The following TECRL variants were observed in gnomAD, a reference collection of about 807,000 sequenced individuals.
TECRL encodes the protein trans-2,3-enoyl-CoA reductase-like.
TECRL carries 63 observed loss-of-function variants against 52.8 expected under a neutral mutation model. The observed-to-expected ratio is 1.19, with a 90% CI of 0.97 to 1.47. The LOEUF (loss-of-function observed/expected upper bound fraction) is 1.47. Among genes scored for constraint, TECRL ranks in the 40% most tolerant of loss-of-function variants. TECRL has a pLI of 0.00. For missense variants in TECRL, 482 were observed against 429.6 expected (o/e 1.12, Z -1.08); for synonymous variants, 164 against 141.9 (o/e 1.16, Z -1.10).
chr4:64,285,409 T>C (rs1376866215), intron 9 of TECRL, among the ~76,000 whole-genome samples: 1 of 152,130 alleles, frequency 6.6e-6, no homozygotes, highest in Non-Finnish European at 1.5e-5. Flanking sequence ...AAACTTCTTT[T>C]ATACAAATTT....
At chr4:64,377,941 A>T (rs1722515404) in intron 1 of TECRL, among the ~76,000 whole-genome samples, 1 of 152,120 alleles carries the variant, frequency 6.6e-6, no homozygotes, top group Non-Finnish European at 1.5e-5. Flanking sequence ...AAGTATAAGA[A>T]AAAACAGCAA....
At chr4:64,315,434 T>C (rs1717431141) in intron 4 of TECRL, among the ~76,000 whole-genome samples, 1 of 152,114 alleles carries the variant, frequency 6.6e-6, no homozygotes, top group Admixed American at 6.5e-5. Context: ...GGCTAACTGG[T>C]CTAAATTTGA....
At chr4:64,303,866 A>C (rs542543726) in intron 7 of TECRL, among the ~76,000 whole-genome samples, 1 of 151,972 alleles carries the variant, frequency 6.6e-6, no homozygotes, top group African/African-American at 2.4e-5. Context: ...TCCACTTGTC[A>C]TAAGTATTAA....
intron 2 of TECRL, among the ~76,000 whole-genome samples, chr4:64,347,119 T>G (rs980359826): frequency 6.6e-6 from 1 of 152,176 alleles, no homozygotes; most frequent in Non-Finnish European, 1.5e-5. Flanking sequence ...AATTGTGACA[T>G]TCTTACATAA....
At chr4:64,304,504 A>G (rs192335496) in intron 7 of TECRL, among the ~76,000 whole-genome samples, 1 of 152,208 alleles carries the variant, frequency 6.6e-6, no homozygotes, top group East Asian at 1.9e-4. Context: ...GAAATAGCCC[A>G]CAAAAATAAT....
intron 2 of TECRL, among the ~76,000 whole-genome samples, chr4:64,345,753 A>G (rs1019229137): frequency 1.3e-5 from 2 of 151,778 alleles, no homozygotes; most frequent in Non-Finnish European, 2.9e-5. Context: ...ACCCCAGTTA[A>G]GGTCCTGTTG....
intron 1 of TECRL, among the ~76,000 whole-genome samples, chr4:64,402,609 C>G (rs1724429788): frequency 6.6e-6 from 1 of 152,026 alleles, no homozygotes; most frequent in Non-Finnish European, 1.5e-5. Flanking sequence ...TGACGGAACA[C>G]ACTTCAAGCA....
chr4:64,336,632 C>G (rs1179705365), intron 2 of TECRL, among the ~76,000 whole-genome samples: 1 of 152,170 alleles, frequency 6.6e-6, no homozygotes, highest in African/African-American at 2.4e-5. Context: ...CCCGCTTTCT[C>G]TTGTGGGCAT....
intron 1 of TECRL, among the ~76,000 whole-genome samples, chr4:64,385,318 G>A (rs900124054): frequency 1.3e-5 from 2 of 152,138 alleles, no homozygotes; most frequent in Non-Finnish European, 2.9e-5. Context: ...TGTCCAATTT[G>A]GCCAGTCCCC....
intron 2 of TECRL, among the ~76,000 whole-genome samples, chr4:64,351,478 T>C (rs919435861): frequency 6.6e-6 from 1 of 151,998 alleles, no homozygotes; most frequent in African/African-American, 2.4e-5. Context: ...CTCACTATAT[T>C]GCCAAGGCTG....
chr4:64,300,342 A>C (rs537868426), intron 7 of TECRL, among the ~76,000 whole-genome samples: 1 of 150,924 alleles, frequency 6.6e-6, no homozygotes, highest in Non-Finnish European at 1.5e-5. Flanking sequence ...TAATGGCACC[A>C]CAAAATAACT....
At chr4:64,343,988 G>A (rs1207793429) in intron 2 of TECRL, among the ~76,000 whole-genome samples, 1 of 151,532 alleles carries the variant, frequency 6.6e-6, no homozygotes, top group African/African-American at 2.4e-5. Flanking sequence ...ATAGATGAGA[G>A]GAAGGGGTCT....
intron 11 of TECRL, 112 bp from the exon 12 acceptor site, chr4:64,280,311 A>G (rs1302156499): frequency 2.2e-6 from 2 of 895,906 alleles, no homozygotes; most frequent in African/African-American, 1.7e-5. Context: ...AATGTTGCAT[A>G]ATTTCTTATC....
chr4:64,343,085 T>TAA (rs5858879), intron 2 of TECRL, among the ~76,000 whole-genome samples: 1 of 151,852 alleles, frequency 6.6e-6, no homozygotes. Context: ...TCGCCTTCTT[T>TAA]AAAAAAGGGG....
At chr4:64,359,571 G>A (rs1462587774) in intron 2 of TECRL, among the ~76,000 whole-genome samples, 1 of 151,768 alleles carries the variant, frequency 6.6e-6, no homozygotes, top group East Asian at 1.9e-4. Context: ...CATGAAAGAT[G>A]AATCAAAATA....
In TECRL at chr4:64,280,166, A is replaced by G. The variant is rs780720827; in HGVS notation, c.998T>C (p.Met333Thr). ...ATGTTTCTTTTGTGCCCACAAAGAC[A>G]TCTGGATACTCATCAGAAGTGTAAA... ...GIFTLLMSIQ[M>T]SLWAQKKHKI... Residue 333 changes from methionine (M) to threonine (T), a missense_variant, in exon 12 of 12, where the codon ATG (methionine) becomes ACG (threonine). Coordinates refer to ENST00000381210, the MANE Select transcript of TECRL (RefSeq NM_001010874.5). 1.9e-6 allele frequency: 3 copies of G among 1,597,724 alleles called. No homozygotes were observed. Among genetic ancestry groups the G allele is most frequent in the Middle Eastern group, 1.7e-4 (1 of 6,020 alleles).
chr4:64,386,741 ATT>A (rs944636758), intron 1 of TECRL, among the ~76,000 whole-genome samples: 16 of 152,170 alleles, frequency 1.1e-4, no homozygotes, highest in Admixed American at 8.5e-4. Context: ...ATTAAAATCA[ATT>A]TGTTTTGTTT....
chr4:64,293,007 T>C (rs1723476328), intron 8 of TECRL, among the ~76,000 whole-genome samples: 1 of 152,084 alleles, frequency 6.6e-6, no homozygotes, highest in South Asian at 2.1e-4. Context: ...AAAATATTTA[T>C]TTGTACTTAT....
chr4:64,325,899 T>C (rs1210283811), intron 3 of TECRL, among the ~76,000 whole-genome samples: 1 of 152,130 alleles, frequency 6.6e-6, no homozygotes, highest in Non-Finnish European at 1.5e-5. Flanking sequence ...TCAATAATCA[T>C]AGCGTTCAGA....
Sources: gnomAD v4.1 joint callset for allele counts (sites outside exome capture counted in the v4.1 genomes callset) on GRCh38, gnomAD v4.1.1 for gene constraint, MANE v1.5 for transcripts, NCBI Gene and HGNC (gene_info 2026-07-23, HGNC 2026-07-21) for gene names.